Variants in MFF observed in about 807,000 individuals in gnomAD.
The protein encoded by MFF is mitochondrial fission factor, also known as chromosome 2 open reading frame 33.
In MFF, 12 loss-of-function variants were observed where a neutral mutation model predicts 36.9. The ratio of observed to expected loss-of-function variants is 0.33; its 90% CI spans 0.21 to 0.53. MFF has a LOEUF of 0.53. Ranked by LOEUF, MFF falls within the 20% of genes least tolerant of loss-of-function variation. The pLI is 0.95. For missense variants in MFF, 348 were observed against 366.6 expected (o/e 0.95, Z 0.42); for synonymous variants, 99 against 126.2 (o/e 0.78, Z 1.44).
chr2:227,328,745 A>C lies in MFF; in HGVS notation c.-85A>C, dbSNP rs1461106116. On this transcript the variant is annotated 5_prime_UTR_variant, in exon 2 of 9. Coordinates refer to ENST00000304593, the MANE Select transcript of MFF (RefSeq NM_001277062.2). ...AGTTAAAGGATTTAATATGAAGCAC[A>C]GAAGCAGATAGTGCCAAATAGCAAG... The C allele has an allele frequency of 1.1e-5, 2 of 189,684 alleles. No individual in the cohort carries two copies. Among genetic ancestry groups the C allele is most frequent in the Non-Finnish European group, 2.3e-5 (2 of 86,360 alleles). The allele number at this position is 189,684 out of a possible 1,614,324, so 11.8% of individuals were successfully genotyped here. A position where few individuals can be genotyped will look rare whatever the true frequency, so the allele number is the denominator to read the frequency against.
At chr2:227,333,612 T>C (rs2074765062) in intron 4 of MFF, among the ~76,000 whole-genome samples, 1 of 152,110 alleles carries the variant, frequency 6.6e-6, no homozygotes, top group Non-Finnish European at 1.5e-5. Flanking sequence ...ATGATATGAG[T>C]GAGGGAAAGA....
At chr2:227,338,888 G>A (rs1323416103) in intron 4 of MFF, among the ~76,000 whole-genome samples, 1 of 151,266 alleles carries the variant, frequency 6.6e-6, no homozygotes, top group Non-Finnish European at 1.5e-5. Flanking sequence ...TTAGTGGGGG[G>A]TTTTTTGTTT....
intron 5 of MFF, among the ~76,000 whole-genome samples, chr2:227,342,019 T>G (rs2075421625): frequency 6.6e-6 from 1 of 152,120 alleles, no homozygotes; most frequent in Non-Finnish European, 1.5e-5. Context: ...TGTTTTTGTA[T>G]TTACTCAATA....
At chr2:227,330,448 G>T in intron 2 of MFF, 178 bp from the exon 3 acceptor site, 1 of 576,398 alleles carries the variant, frequency 1.7e-6, no homozygotes. Flanking sequence ...AATTAAGAAG[G>T]CATTTTGTTG....
chr2:227,332,432 T>A lies in MFF; in HGVS notation c.195T>A (p.Asp65Glu). 1.9e-6 allele frequency: 3 copies of A among 1,605,192 alleles called. No homozygotes were observed. The highest frequency in any genetic ancestry group is 2.5e-6 in the Non-Finnish European group (3 of 1,177,340). Residue 65 changes from aspartate (D) to glutamate (E), a missense_variant, in exon 4 of 9, where the codon GAT (aspartate) becomes GAA (glutamate). Transcript: ENST00000304593. ...ERIVVAGNNE[D>E]VSFSRPADLD... The stretch of plus-strand genomic sequence containing the variant: ...GAAAACTCCTAGGAAATAATGAAGA[T>A]GTTTCATTTTCAAGACCAGCAGATC...
chr2:227,340,233 G>A (rs1460916785), intron 4 of MFF, 59 bp from the exon 5 acceptor site: 7 of 1,390,314 alleles, frequency 5.0e-6, no homozygotes, highest in Non-Finnish European at 7.1e-6. Flanking sequence ...TTGATGCTAA[G>A]CAGCTACTAG....
rs111287806 is a variant in MFF at position 227,330,680 on chromosome 2, T to C, written c.15T>C (p.Ser5=). The change falls in exon 3 of 9, where the codon AGT becomes AGC. Residue 5 remains serine (S), a synonymous_variant. Coordinates refer to ENST00000304593, the MANE Select transcript of MFF (RefSeq NM_001277062.2). ...CTGCTGCTGAGATGGCAGAAATTAG[T>C]CGAATTCAGTACGAAATGGAATATA... MAEI[S]RIQYEMEYTE... is the part of the protein sequence containing the mutation. 1 of 1,614,010 alleles carries C rather than the reference T, an allele frequency of 6.2e-7. No homozygotes were observed. The highest frequency in any genetic ancestry group is 8.5e-7 in the Non-Finnish European group (1 of 1,179,982).
chr2:227,351,526 GTTAC>G (rs1559985389), intron 6 of MFF, among the ~76,000 whole-genome samples: 1 of 152,104 alleles, frequency 6.6e-6, no homozygotes, highest in African/African-American at 2.4e-5. Context: ...AACCAGATCA[GTTAC>G]TTAGAGAATG....
rs1237010739 is a variant in MFF, at chr2:227,340,304, G to A, written c.364G>A (p.Gly122Ser). The change falls in exon 5 of 9, where the codon GGC becomes AGC. Residue 122 changes from glycine (G) to serine (S), a missense_variant. Transcript: ENST00000304593. The part of the protein sequence containing the change: ...TPQNEEIRAV[G>S]RLKRERSMSE... ...TGTGCCTTAACAGATCCGAGCAGTT[G>A]GCAGACTAAAAAGAGAGCGGTCTAT... The A allele has an allele frequency of 1.2e-6, 2 of 1,613,738 alleles. No individual in the cohort carries two copies. The highest frequency in any genetic ancestry group is 1.7e-5 in the Admixed American group (1 of 60,004).
intron 1 of MFF, among the ~76,000 whole-genome samples, chr2:227,326,152 AG>A (rs2074103388): frequency 6.6e-6 from 1 of 152,110 alleles, no homozygotes; most frequent in African/African-American, 2.4e-5. Flanking sequence ...CCACAAAGTT[AG>A]AAGCAAAGGG....
At position 227,352,558 on chromosome 2, in the gene MFF, A is replaced by C. The variant is rs751237924; in HGVS notation, c.644A>C (p.His215Pro). 9 of 1,613,714 alleles carry C rather than the reference A, an allele frequency of 5.6e-6. No homozygotes were observed. The highest frequency in any genetic ancestry group is 6.8e-6 in the Non-Finnish European group (8 of 1,179,722). Residue 215 changes from histidine (H) to proline (P), a missense_variant, in exon 7 of 9, where the codon CAT becomes CCT. Transcript: ENST00000304593. ...GGSAAATSNPHHDNVRYGISN... is the reference protein window; with the variant it reads ...GGSAAATSNPPHDNVRYGISN... The stretch of plus-strand genomic sequence containing the variant: ...TCTGCTGCCGCCACTTCTAATCCTC[A>C]TCATGACAACGTCAGGTAAATTTTG...
In MFF at chr2:227,330,718, G is replaced by A; in HGVS notation, c.53G>A (p.Ser18Asn). Residue 18 changes from serine to asparagine, a missense_variant, in exon 3 of 9, where the codon AGT becomes AAT. Transcript: ENST00000304593. ...GAAATGGAATATACTGAAGGCATTA[G>A]TCAGCGAATGAGGGTCCCAGAAAAG... is the stretch of plus-strand genomic sequence containing the variant. ...QYEMEYTEGISQRMRVPEKLK... is the reference protein window; with the variant it reads ...QYEMEYTEGINQRMRVPEKLK... 6.2e-7 allele frequency: 1 copy of A among 1,614,152 alleles called. No homozygotes were observed. Among genetic ancestry groups the A allele is most frequent in the Non-Finnish European group, 8.5e-7 (1 of 1,180,006 alleles).
At chr2:227,355,941 G>A (rs189599205) in intron 8 of MFF, among the ~76,000 whole-genome samples, 180 bp downstream of exon 8, 12 of 152,148 alleles carry the variant, frequency 7.9e-5, no homozygotes, top group African/African-American at 1.7e-4. Context: ...TTTGATCACC[G>A]TAAAACAGTA....
At chr2:227,340,976 T>A (rs2075357383) in intron 5 of MFF, among the ~76,000 whole-genome samples, 1 of 118,762 alleles carries the variant, frequency 8.4e-6, no homozygotes, top group South Asian at 3.3e-4. Flanking sequence ...AGTGGCTTTT[T>A]AAATATAAAT....
intron 6 of MFF, among the ~76,000 whole-genome samples, chr2:227,351,346 CAT>C (rs1490340341): frequency 6.6e-6 from 1 of 152,090 alleles, no homozygotes; most frequent in African/African-American, 2.4e-5. Flanking sequence ...ACCTTTAAGA[CAT>C]GTAGAAGTTA....
At chr2:227,332,358 C>G in intron 3 of MFF, 61 bp from the exon 4 acceptor site, 1 of 1,295,518 alleles carries the variant, frequency 7.7e-7, no homozygotes, top group Non-Finnish European at 1.1e-6. Flanking sequence ...ACAAAAATCA[C>G]TGTCTTTTTA....
intron 8 of MFF, among the ~76,000 whole-genome samples, chr2:227,356,453 T>C (rs998416423): frequency 1.3e-5 from 2 of 152,112 alleles, no homozygotes; most frequent in Non-Finnish European, 2.9e-5. Context: ...GAATTAGCCT[T>C]CAGGCCTGAA....
intron 8 of MFF, among the ~76,000 whole-genome samples, chr2:227,356,476 C>CA (rs1293367000): frequency 1.3e-5 from 2 of 152,084 alleles, no homozygotes; most frequent in African/African-American, 4.8e-5. Flanking sequence ...GTTTGGGTGC[C>CA]ATATCCCAAG....
At chr2:227,354,116 A>T (rs376059028) in intron 7 of MFF, among the ~76,000 whole-genome samples, 171 of 152,354 alleles carry the variant, frequency 1.1e-3, no homozygotes, top group African/African-American at 3.5e-3. Context: ...TTAATGAGAA[A>T]GCAGGATAAT....
Sources: gnomAD v4.1 joint callset for allele counts (sites outside exome capture counted in the v4.1 genomes callset) on GRCh38, gnomAD v4.1.1 for gene constraint, MANE v1.5 for transcripts, NCBI Gene and HGNC (gene_info 2026-07-23, HGNC 2026-07-21) for gene names.